Variants in GRIK4 observed in about 807,000 individuals in gnomAD.
GRIK4 encodes the protein glutamate receptor ionotropic, kainate 4.
In GRIK4, 40 loss-of-function variants were observed where a neutral mutation model predicts 104.9. The ratio of observed to expected loss-of-function variants is 0.38; its 90% CI spans 0.30 to 0.50. The LOEUF is 0.50. Ranked by LOEUF, GRIK4 falls within the 20% of genes least tolerant of loss-of-function variation. The pLI is 0.93. For missense variants in GRIK4, 1,047 were observed against 1,308.1 expected, an observed-to-expected ratio of 0.80 and a Z score of 3.08; for synonymous variants, 485 against 524.9, an observed-to-expected ratio of 0.92 and a Z score of 1.04.
At chr11:120,763,969 C>G (rs1455418803) in intron 3 of GRIK4, among the ~76,000 whole-genome samples, 1 of 152,048 alleles carries the variant, frequency 6.6e-6, no homozygotes, top group Non-Finnish European at 1.5e-5. Flanking sequence ...TTCGCTTGGT[C>G]CAGAGTTGAG....
chr11:120,924,428 A>AAT (rs920977499), intron 13 of GRIK4, among the ~76,000 whole-genome samples: 1 of 152,158 alleles, frequency 6.6e-6, no homozygotes, highest in African/African-American at 2.4e-5. Flanking sequence ...AACTTAAAAA[A>AAT]ATATATATTG....
At chr11:120,571,916 G>A (rs1056307427) in intron 1 of GRIK4, among the ~76,000 whole-genome samples, 4 of 152,180 alleles carry the variant, frequency 2.6e-5, no homozygotes, top group African/African-American at 9.7e-5. Context: ...CCCTGCTCAT[G>A]GTCCTTTGAT....
At chr11:120,908,615 C>T (rs951151755) in intron 13 of GRIK4, among the ~76,000 whole-genome samples, 27 of 152,054 alleles carry the variant, frequency 1.8e-4, no homozygotes, top group African/African-American at 5.6e-4. Context: ...GGCAGGCAGG[C>T]GGGGAGAGTA....
chr11:120,877,329 C>A (rs940743861), intron 11 of GRIK4, among the ~76,000 whole-genome samples: 11 of 152,178 alleles, frequency 7.2e-5, no homozygotes, highest in African/African-American at 2.7e-4. Context: ...GGAAAGGAAG[C>A]TGAAAAAGAT....
intron 13 of GRIK4, among the ~76,000 whole-genome samples, chr11:120,919,222 A>T (rs991106460): frequency 5.3e-5 from 8 of 152,216 alleles, no homozygotes; most frequent in African/African-American, 1.9e-4. Flanking sequence ...TTTAAGGAAC[A>T]TGAAGAGTGC....
At chr11:120,523,081 G>T (rs1947814422) in intron 1 of GRIK4, among the ~76,000 whole-genome samples, 1 of 150,890 alleles carries the variant, frequency 6.6e-6, no homozygotes, top group African/African-American at 2.4e-5. Context: ...CTCCTAGGAG[G>T]CTGGGTGGGG....
At chr11:120,752,357 C>T (rs867666686) in intron 3 of GRIK4, among the ~76,000 whole-genome samples, 1 of 152,182 alleles carries the variant, frequency 6.6e-6, no homozygotes, top group East Asian at 1.9e-4. Context: ...AGGGAAGCCA[C>T]GTCAGCAGAG....
chr11:120,898,685 C>A, intron 12 of GRIK4, 46 bp downstream of exon 12: 1 of 1,067,636 alleles, frequency 9.4e-7, no homozygotes, highest in Non-Finnish European at 1.5e-6. Context: ...CCTGGGGTGC[C>A]TCCCCGGCTC....
intron 11 of GRIK4, among the ~76,000 whole-genome samples, chr11:120,880,573 T>C (rs543073500): frequency 2.1e-4 from 32 of 152,322 alleles, no homozygotes; most frequent in Middle Eastern, 3.4e-3. Flanking sequence ...TCCCAGCCCA[T>C]GTTGGAAGGG....
intron 1 of GRIK4, among the ~76,000 whole-genome samples, chr11:120,580,254 TTTCTTTCTTTCTTTC>T (rs1565558886): frequency 4.8e-5 from 6 of 125,136 alleles, no homozygotes; most frequent in African/African-American, 2.3e-4. Flanking sequence ...TTTCTTTCTT[TTTCTTTCTTTCTTTC>T]CTTTCTTTCT....
chr11:120,854,545 A>C (rs1019625752), intron 8 of GRIK4, among the ~76,000 whole-genome samples: 1 of 152,218 alleles, frequency 6.6e-6, no homozygotes, highest in Non-Finnish European at 1.5e-5. Context: ...GGCTTTATGC[A>C]GACGCCGGAG....
intron 1 of GRIK4, among the ~76,000 whole-genome samples, chr11:120,553,925 T>G (rs1308377177): frequency 1.3e-5 from 2 of 152,124 alleles, no homozygotes; most frequent in Non-Finnish European, 2.9e-5. Flanking sequence ...GGTCAGGCTT[T>G]AAAACAGAGA....
intron 7 of GRIK4, among the ~76,000 whole-genome samples, chr11:120,835,729 G>A (rs1953558361): frequency 6.6e-6 from 1 of 152,114 alleles, no homozygotes; most frequent in African/African-American, 2.4e-5. Context: ...TGTCAGGAGG[G>A]ATGAGGGTCC....
chr11:120,747,565 C>G (rs1212026032), intron 3 of GRIK4, among the ~76,000 whole-genome samples: 1 of 152,144 alleles, frequency 6.6e-6, no homozygotes, highest in Non-Finnish European at 1.5e-5. Flanking sequence ...AGACAGATAG[C>G]TAGGACTTTA....
At chr11:120,720,222 A>G (rs892256338) in intron 3 of GRIK4, among the ~76,000 whole-genome samples, 1 of 152,100 alleles carries the variant, frequency 6.6e-6, no homozygotes, top group Admixed American at 6.6e-5. Context: ...TGACCATTAG[A>G]ACAACTTCTG....
rs80148621 is a variant in GRIK4 at position 120,546,728 on chromosome 11, G to A, written c.-159+34841G>A. On this transcript the variant is annotated intron_variant, in intron 1 of 20. Transcript: ENST00000527524. Reference sequence around the variant, plus strand: ...TCATTAGCCTTGAGTTATTTAGTATGTCACTCCCGTTCCTGAGTCACACAT... The same window carrying A: ...TCATTAGCCTTGAGTTATTTAGTATATCACTCCCGTTCCTGAGTCACACAT... 2.2e-4 allele frequency among the ~76,000 whole-genome samples: 34 copies of A among 152,266 alleles called. No homozygotes were observed. In the East Asian group the frequency reaches 5.0e-3, roughly 22 times the overall value.
chr11:120,706,587 A>C (rs933024351), intron 3 of GRIK4, among the ~76,000 whole-genome samples: 1 of 152,144 alleles, frequency 6.6e-6, no homozygotes, highest in Admixed American at 6.5e-5. Flanking sequence ...ATGCTCTGAC[A>C]TTTTAGGGGC....
At chr11:120,647,575 C>T (rs553938210) in intron 1 of GRIK4, among the ~76,000 whole-genome samples, 4 of 152,234 alleles carry the variant, frequency 2.6e-5, no homozygotes, top group African/African-American at 7.2e-5. Flanking sequence ...CACCATCCTT[C>T]GAACAGCCCT....
chr11:120,641,480 G>A lies in GRIK4; in HGVS notation c.-158-12205G>A, dbSNP rs561964827. On this transcript the variant is annotated intron_variant, in intron 1 of 20. Coordinates refer to ENST00000527524, the MANE Select transcript of GRIK4 (RefSeq NM_014619.5). Reference sequence around the variant, plus strand: ...TGTTTCTTGATTATATGCTAAGCAAGGGGTGGATTATTCATGAGTTTTCTG... The same window carrying A: ...TGTTTCTTGATTATATGCTAAGCAAAGGGTGGATTATTCATGAGTTTTCTG... Among the ~76,000 whole-genome samples the A allele has an allele frequency of 7.9e-5, 12 of 152,284 alleles. No homozygotes were observed. In the South Asian group the frequency reaches 2.5e-3, roughly 32 times the overall value.
Sources: gnomAD v4.1 joint callset for allele counts (sites outside exome capture counted in the v4.1 genomes callset) on GRCh38, gnomAD v4.1.1 for gene constraint, MANE v1.5 for transcripts, NCBI Gene and HGNC (gene_info 2026-07-23, HGNC 2026-07-21) for gene names.